Variants in CFAP47 observed in about 807,000 individuals in gnomAD.
CFAP47 encodes cilia and flagella associated protein 47.
CFAP47 carries 29 observed loss-of-function variants against 148.1 expected under a neutral mutation model. The ratio of observed to expected loss-of-function variants is 0.20; its 90% CI spans 0.15 to 0.27. CFAP47 has a LOEUF of 0.27. Ranked by LOEUF, CFAP47 falls within the 10% of genes least tolerant of loss-of-function variation. The probability of loss-of-function intolerance (pLI) is 1.00; values close to 1 mark genes in which losing one functional copy is unlikely to be tolerated. For synonymous variants in CFAP47, 664 were observed against 577.3 expected (o/e 1.15, Z -2.15); for missense variants, 1,872 against 1,697.5 (o/e 1.10, Z -1.81).
intron 26 of CFAP47, among the ~76,000 whole-genome samples, chrX:36,048,923 G>T (rs1937497877): frequency 9.0e-6 from 1 of 111,113 alleles, no homozygotes; most frequent in Non-Finnish European, 1.9e-5. Context: ...GTGAATTCTG[G>T]CAAGACTTAG....
At chrX:36,154,220 A>G (rs1156337102) in intron 37 of CFAP47, among the ~76,000 whole-genome samples, 1 of 112,132 alleles carries the variant, frequency 8.9e-6, no homozygotes, top group African/African-American at 3.2e-5. Flanking sequence ...CTTCCATTTT[A>G]CTATATGCAT....
At chrX:35,989,547 A>G (rs1224213035) in intron 16 of CFAP47, 98 bp downstream of exon 16, 1 of 1,199,576 alleles carries the variant, frequency 8.3e-7, no homozygotes, top group Admixed American at 2.2e-5. Flanking sequence ...AATTAACTGT[A>G]AAACCCAAGA....
chrX:36,130,489 G>A (rs1341748818), intron 33 of CFAP47, among the ~76,000 whole-genome samples: 2 of 111,120 alleles, frequency 1.8e-5, no homozygotes, highest in East Asian at 5.7e-4. Flanking sequence ...ATGTAAATTA[G>A]TACAATCACT....
At chrX:35,937,104 GTTTTTTTTTTTTTTTTT>G (rs377601530) in intron 2 of CFAP47, among the ~76,000 whole-genome samples, 2 of 55,543 alleles carry the variant, frequency 3.6e-5, no homozygotes, top group East Asian at 5.8e-4. Context: ...TGCAATTGCT[GTTTTTTTTTTTTTTTTT>G]TTTTTTTTTT....
intron 33 of CFAP47, among the ~76,000 whole-genome samples, chrX:36,120,454 G>A (rs895330085): frequency 1.8e-5 from 2 of 111,094 alleles, no homozygotes; most frequent in African/African-American, 3.3e-5. Context: ...AGTATGCATC[G>A]TTAGGTTGTT....
intron 37 of CFAP47, among the ~76,000 whole-genome samples, chrX:36,155,325 T>C (rs1455168812): frequency 8.9e-6 from 1 of 111,882 alleles, no homozygotes; most frequent in Non-Finnish European, 1.9e-5. Flanking sequence ...CATTCATATG[T>C]AATAACATGG....
At chrX:36,270,043 GT>G (rs1940940085) in intron 49 of CFAP47, among the ~76,000 whole-genome samples, 1 of 111,616 alleles carries the variant, frequency 9.0e-6, no homozygotes, top group African/African-American at 3.2e-5. Flanking sequence ...ACAATAATTT[GT>G]TTATCCATTT....
intron 15 of CFAP47, among the ~76,000 whole-genome samples, chrX:35,988,204 A>C (rs978006363): frequency 8.9e-6 from 1 of 111,941 alleles, no homozygotes; most frequent in Non-Finnish European, 1.9e-5. Flanking sequence ...CAACCTATTA[A>C]GACAGATCTG....
chrX:36,172,944 T>C (rs1289214193), intron 39 of CFAP47, among the ~76,000 whole-genome samples: 1 of 111,363 alleles, frequency 9.0e-6, no homozygotes, highest in Non-Finnish European at 1.9e-5. Flanking sequence ...TCTTTTTTGT[T>C]GGTAAGCTAT....
At chrX:36,013,506 GT>G (rs772938518) in intron 21 of CFAP47, among the ~76,000 whole-genome samples, 27 of 111,903 alleles carry the variant, frequency 2.4e-4, no homozygotes, top group Non-Finnish European at 4.7e-4. Context: ...ATAGAGAACA[GT>G]TGCATCACCT....
intron 35 of CFAP47, among the ~76,000 whole-genome samples, chrX:36,140,531 A>C (rs781475252): frequency 4.5e-5 from 5 of 111,519 alleles, no homozygotes; most frequent in African/African-American, 1.6e-4. Context: ...AAGTCGGCTT[A>C]GCAGATAATG....
At chrX:36,007,238 G>T (rs1482775294) in intron 21 of CFAP47, among the ~76,000 whole-genome samples, 2 of 111,660 alleles carry the variant, frequency 1.8e-5, no homozygotes, top group African/African-American at 3.3e-5. Context: ...GCAGAACCTT[G>T]GGTAAACCTT....
intron 39 of CFAP47, among the ~76,000 whole-genome samples, chrX:36,172,495 GT>G (rs1355869708): frequency 9.1e-6 from 1 of 109,403 alleles, no homozygotes; most frequent in Non-Finnish European, 1.9e-5. Flanking sequence ...TTTATTGAGA[GT>G]TTTTAGCATG....
chrX:36,372,746 A>G (rs1556022177), intron 62 of CFAP47, among the ~76,000 whole-genome samples: 1 of 112,314 alleles, frequency 8.9e-6, no homozygotes, highest in African/African-American at 3.2e-5. Context: ...TGACCAAAAT[A>G]TAGATGATAA....
chrX:36,123,005 C>T (rs566629205), intron 33 of CFAP47, among the ~76,000 whole-genome samples: 13 of 111,966 alleles, frequency 1.2e-4, no homozygotes, highest in African/African-American at 3.9e-4. Flanking sequence ...GCTGTATCTG[C>T]TTTAGGAGGC....
intron 29 of CFAP47, among the ~76,000 whole-genome samples, chrX:36,074,987 G>A (rs1937820622): frequency 9.0e-6 from 1 of 110,682 alleles, no homozygotes; most frequent in Admixed American, 9.7e-5. Context: ...AGGCTGAGGA[G>A]TGTTACATTT....
chrX:36,199,549 T>A (rs1261291858), intron 42 of CFAP47, among the ~76,000 whole-genome samples: 1 of 112,119 alleles, frequency 8.9e-6, no homozygotes, highest in African/African-American at 3.2e-5. Flanking sequence ...CCTTGGGTAG[T>A]GCTCCCTTCA....
intron 49 of CFAP47, among the ~76,000 whole-genome samples, chrX:36,269,975 G>A (rs185115824): frequency 8.9e-6 from 1 of 111,923 alleles, no homozygotes; most frequent in Non-Finnish European, 1.9e-5. Flanking sequence ...TCTACATGGT[G>A]CCTAAATCAA....
At chrX:36,366,563 GA>G (rs1243229884) in intron 61 of CFAP47, among the ~76,000 whole-genome samples, 2 of 110,299 alleles carry the variant, frequency 1.8e-5, no homozygotes, top group Non-Finnish European at 3.8e-5. Context: ...TTTCATTTTT[GA>G]AAAAAATCCC....
Sources: allele counts gnomAD v4.1 joint callset (sites outside exome capture counted in the v4.1 genomes callset), GRCh38; gene constraint gnomAD v4.1.1; transcripts MANE v1.5; gene names NCBI Gene and HGNC (gene_info 2026-07-23, HGNC 2026-07-21).